Variants in KLHL32 observed in about 807,000 individuals in gnomAD.
KLHL32 encodes kelch-like protein 32.
Under a neutral mutation model 64.8 loss-of-function variants are expected in KLHL32, and 35 were observed. The observed-to-expected ratio is 0.54, with a 90% CI of 0.41 to 0.72. The LOEUF (loss-of-function observed/expected upper bound fraction) is 0.72. Ranked by LOEUF, KLHL32 falls within the 30% of genes least tolerant of loss-of-function variation. KLHL32 has a pLI of 0.00. For missense variants in KLHL32, 589 were observed against 768.5 expected, an observed-to-expected ratio of 0.77 and a Z score of 2.76; for synonymous variants, 259 against 281.0, an observed-to-expected ratio of 0.92 and a Z score of 0.78.
chr6:97,106,357 A>T (rs1796407381), intron 6 of KLHL32, among the ~76,000 whole-genome samples: 6 of 152,158 alleles, frequency 3.9e-5, no homozygotes, highest in Admixed American at 2.0e-4. Flanking sequence ...ATCAGTAGGG[A>T]TATGCTGAGA....
chr6:96,941,093 T>C (rs542395963), intron 1 of KLHL32, among the ~76,000 whole-genome samples: 1 of 152,370 alleles, frequency 6.6e-6, no homozygotes, highest in South Asian at 2.1e-4. Context: ...CCATTATTTC[T>C]TCCTTTGTAC....
intron 3 of KLHL32, among the ~76,000 whole-genome samples, chr6:97,031,428 T>C (rs1783530319): frequency 6.6e-6 from 1 of 151,872 alleles, no homozygotes; most frequent in Non-Finnish European, 1.5e-5. Flanking sequence ...CTCAAACTCA[T>C]GGGGTCAAGT....
At chr6:96,917,182 T>A in the KLHL32 span, among the ~76,000 whole-genome samples, 2 of 152,188 alleles carry the variant, frequency 1.3e-5, no homozygotes, top group Admixed American at 1.3e-4. Context: ...AAATGAGAAA[T>A]TTATTGCAAA....
chr6:96,971,650 A>G (rs928968101), intron 2 of KLHL32, among the ~76,000 whole-genome samples: 7 of 151,988 alleles, frequency 4.6e-5, no homozygotes, highest in African/African-American at 1.7e-4. Context: ...ATGAGGGCCT[A>G]TGTGGGGTCC....
chr6:96,972,213 T>G (rs1250014673), intron 2 of KLHL32, among the ~76,000 whole-genome samples: 1 of 152,200 alleles, frequency 6.6e-6, no homozygotes, highest in East Asian at 1.9e-4. Context: ...CCCTAAATAT[T>G]ATAATTTAAA....
At chr6:97,014,272 G>A (rs1308785530) in intron 3 of KLHL32, among the ~76,000 whole-genome samples, 2 of 150,726 alleles carry the variant, frequency 1.3e-5, no homozygotes, top group African/African-American at 2.4e-5. Context: ...TCCAACCTGG[G>A]TGACAGAGCG....
At chr6:96,991,946 G>A (rs953287611) in intron 3 of KLHL32, among the ~76,000 whole-genome samples, 5 of 152,134 alleles carry the variant, frequency 3.3e-5, no homozygotes, top group African/African-American at 1.2e-4. Flanking sequence ...CCTAATCACT[G>A]TGCTCCCTCC....
chr6:97,059,901 GA>G (rs140188983), intron 4 of KLHL32, among the ~76,000 whole-genome samples: 4,475 of 148,396 alleles, frequency 0.03, 232 homozygotes, highest in African/African-American at 0.1. Context: ...TACTATACAG[GA>G]AAAAAAAAAT....
rs953132763 is a variant in KLHL32, at chr6:96,944,720, T to C, written c.-66+19694T>C. ...TTGCATGAGTAATAAGTTGTGAGGT[T>C]AGAAGACGAGATTTGTTGGTGACTT... On this transcript the variant is annotated intron_variant, in intron 1 of 10. Coordinates refer to ENST00000369261, the MANE Select transcript of KLHL32 (RefSeq NM_052904.4). 3.3e-5 allele frequency among the ~76,000 whole-genome samples: 5 copies of C among 152,242 alleles called. No individual in the cohort carries two copies. The South Asian group carries it at 1.0e-3, about 31-fold the overall frequency.
chr6:96,907,061 TAATATATTTACTGTAAGA>T, the KLHL32 span, among the ~76,000 whole-genome samples: 1,651 of 152,350 alleles, frequency 0.011, 36 homozygotes, highest in African/African-American at 0.037. Context: ...TAAGTGGTCT[TAATATATTTACTGTAAGA>T]AATTATAAGT....
At chr6:97,103,377 G>A (rs1354510972) in intron 6 of KLHL32, among the ~76,000 whole-genome samples, 2 of 151,970 alleles carry the variant, frequency 1.3e-5, no homozygotes, top group African/African-American at 4.8e-5. Context: ...TCACACCTGG[G>A]TAATTTTTTG....
At chr6:96,952,330 CT>C (rs1356600429) in intron 1 of KLHL32, among the ~76,000 whole-genome samples, 1 of 152,134 alleles carries the variant, frequency 6.6e-6, no homozygotes, top group Non-Finnish European at 1.5e-5. Flanking sequence ...AGTTTGGTGA[CT>C]TTTTGTGACC....
At chr6:97,025,672 C>G (rs1247612842) in intron 3 of KLHL32, among the ~76,000 whole-genome samples, 1 of 152,196 alleles carries the variant, frequency 6.6e-6, no homozygotes, top group Admixed American at 6.5e-5. Flanking sequence ...GTCTTTCCAA[C>G]TTGAGAGGGA....
At chr6:97,101,985 T>G (rs1795786868) in intron 6 of KLHL32, among the ~76,000 whole-genome samples, 1 of 152,214 alleles carries the variant, frequency 6.6e-6, no homozygotes, top group Admixed American at 6.5e-5. Flanking sequence ...ATTCTGTACA[T>G]TGTCTAAATA....
chr6:96,983,228 G>T (rs1257685863), intron 3 of KLHL32, among the ~76,000 whole-genome samples: 1 of 152,394 alleles, frequency 6.6e-6, no homozygotes, highest in South Asian at 2.1e-4. Context: ...CAGGGATGAA[G>T]CCCACTTGAT....
At chr6:97,000,217 T>C (rs1454537784) in intron 3 of KLHL32, among the ~76,000 whole-genome samples, 1 of 151,730 alleles carries the variant, frequency 6.6e-6, no homozygotes, top group African/African-American at 2.4e-5. Flanking sequence ...TATTAGAGAG[T>C]TGGGAAAGGA....
chr6:96,961,304 G>A (rs928860757), intron 1 of KLHL32, among the ~76,000 whole-genome samples: 1 of 152,146 alleles, frequency 6.6e-6, no homozygotes, highest in Non-Finnish European at 1.5e-5. Flanking sequence ...GAAGAAAAAG[G>A]TCAGAGTTGA....
intron 1 of KLHL32, among the ~76,000 whole-genome samples, chr6:96,932,584 T>C (rs1770066088): frequency 7.2e-6 from 1 of 138,984 alleles, no homozygotes; most frequent in Non-Finnish European, 1.6e-5. Flanking sequence ...CCTTTTTTTT[T>C]TTGAGACAGA....
chr6:97,019,208 A>G (rs1026361466), intron 3 of KLHL32, among the ~76,000 whole-genome samples: 5 of 152,270 alleles, frequency 3.3e-5, no homozygotes, highest in Non-Finnish European at 5.9e-5. Flanking sequence ...AGAAAAAAGC[A>G]GCGTTCTTAA....
Sources: allele counts gnomAD v4.1 joint callset (sites outside exome capture counted in the v4.1 genomes callset), GRCh38; gene constraint gnomAD v4.1.1; transcripts MANE v1.5; gene names NCBI Gene and HGNC (gene_info 2026-07-23, HGNC 2026-07-21).